The following IFT52 variants were observed in gnomAD, a reference collection of about 807,000 sequenced individuals.
IFT52 encodes intraflagellar transport 52, also known as intraflagellar transport protein 52 homolog.
A neutral mutation model predicts 54.4 loss-of-function variants in IFT52; 44 were observed. The ratio of observed to expected loss-of-function variants is 0.81; its 90% CI spans 0.63 to 1.04. IFT52 has a LOEUF of 1.04. Among genes scored for constraint, IFT52 ranks in the 50% least tolerant of loss-of-function variants. The probability of loss-of-function intolerance (pLI) is 0.00; values close to 1 mark genes in which losing one functional copy is unlikely to be tolerated. For synonymous variants in IFT52, 181 were observed against 185.3 expected (o/e 0.98, Z 0.19); for missense variants, 452 against 523.6 (o/e 0.86, Z 1.33).
chr20:43,595,316 C>CAAA (rs34012263), intron 2 of IFT52, among the ~76,000 whole-genome samples: 267 of 62,530 alleles, frequency 4.3e-3, no homozygotes, highest in East Asian at 8.2e-3. Context: ...GACTCCGTCT[C>CAAA]AAAAAAAAAA....
intron 7 of IFT52, 139 bp downstream of exon 7, chr20:43,614,115 T>C: frequency 1.3e-6 from 1 of 746,590 alleles, no homozygotes. Flanking sequence ...ATTTCAGCTA[T>C]ATACATTTTG....
chr20:43,635,187 GAAA>G (rs111707040), intron 10 of IFT52, among the ~76,000 whole-genome samples: 6 of 144,052 alleles, frequency 4.2e-5, no homozygotes, highest in African/African-American at 7.7e-5. Flanking sequence ...GAGAGAGAGA[GAAA>G]AAAAAAAAAA....
chr20:43,609,555 T>C (rs1490820794), intron 6 of IFT52, among the ~76,000 whole-genome samples: 1 of 152,068 alleles, frequency 6.6e-6, no homozygotes, highest in Admixed American at 6.6e-5. Flanking sequence ...GCGGATCACC[T>C]GAGATCAGGC....
chr20:43,633,981 TAGTG>T (rs1359325124), intron 10 of IFT52, among the ~76,000 whole-genome samples: 2 of 151,862 alleles, frequency 1.3e-5, no homozygotes, highest in Non-Finnish European at 2.9e-5. Flanking sequence ...CTGGGCAACA[TAGTG>T]AGCCCTTGTC....
chr20:43,601,047 C>G (rs1359002300), intron 3 of IFT52, among the ~76,000 whole-genome samples: 1 of 152,142 alleles, frequency 6.6e-6, no homozygotes, highest in Non-Finnish European at 1.5e-5. Flanking sequence ...ACCTCCGTGA[C>G]TATCTGAGAA....
At chr20:43,618,607 G>T (rs181352979) in intron 7 of IFT52, among the ~76,000 whole-genome samples, 4 of 151,454 alleles carry the variant, frequency 2.6e-5, no homozygotes, top group African/African-American at 7.3e-5. Flanking sequence ...TCAGCCTCCC[G>T]AGTAGCTGGG....
chr20:43,604,875 C>A, intron 5 of IFT52, 127 bp from the exon 6 acceptor site: 1 of 875,296 alleles, frequency 1.1e-6, no homozygotes, highest in South Asian at 1.5e-5. Context: ...ACACAGTTCA[C>A]TGCAGCCTTG....
At chr20:43,599,947 C>G (rs996960073) in intron 3 of IFT52, among the ~76,000 whole-genome samples, 1 of 152,114 alleles carries the variant, frequency 6.6e-6, no homozygotes, top group African/African-American at 2.4e-5. Flanking sequence ...CAAAGATAAT[C>G]TAACCCACCA....
At chr20:43,595,613 C>T (rs1052499002) in intron 2 of IFT52, among the ~76,000 whole-genome samples, 4 of 151,796 alleles carry the variant, frequency 2.6e-5, no homozygotes, top group Non-Finnish European at 4.4e-5. Context: ...GGGCAGGACG[C>T]GGTGGCTCAT....
Position 43,640,272 on chromosome 20 carries a change from T to C in IFT52, c.1121-2207T>C, listed in dbSNP as rs1328923535. Among the ~76,000 whole-genome samples, 4 of 151,622 alleles carry C rather than the reference T, an allele frequency of 2.6e-5. No homozygotes were observed. In the East Asian group the frequency reaches 7.8e-4, roughly 30 times the overall value. On this transcript the variant is annotated intron_variant, in intron 12 of 13. Coordinates refer to ENST00000373030, the MANE Select transcript of IFT52 (RefSeq NM_016004.5). ...GAGTTTGAGACCAGCCTGGCCAAGA[T>C]GGTAAAACCCTGTCTCTACTAAAAA...
In IFT52 at chr20:43,637,276, T is replaced by G. The variant is rs184181854; in HGVS notation, c.1120+23T>G. ...AGTGTAAGTTTGGCGAACTTTTTTT[T>G]TTTGAGACAGAGTTTCACTCTTGTT... is the stretch of plus-strand genomic sequence containing the variant. On this transcript the variant is annotated intron_variant, in intron 12 of 13. Transcript: ENST00000373030. 12 of 1,394,870 alleles carry G rather than the reference T, an allele frequency of 8.6e-6. No individual in the cohort carries two copies. In the African/African-American group the frequency reaches 1.6e-4, roughly 19 times the overall value. The allele number at this position is 1,394,870 out of a possible 1,614,324, so 86.4% of individuals were successfully genotyped here. A position where few individuals can be genotyped will look rare whatever the true frequency, so the allele number is the denominator to read the frequency against.
intron 3 of IFT52, among the ~76,000 whole-genome samples, chr20:43,598,793 A>T (rs1312659564): frequency 6.6e-6 from 1 of 152,198 alleles, no homozygotes; most frequent in Non-Finnish European, 1.5e-5. Context: ...CAGTCAATAA[A>T]ACAAAAAACC....
chr20:43,622,760 TA>T (rs1483137942), intron 9 of IFT52, among the ~76,000 whole-genome samples: 1 of 55,492 alleles, frequency 1.8e-5, no homozygotes, highest in Non-Finnish European at 3.4e-5. Flanking sequence ...AATATAAATA[TA>T]TACAAATTGT....
chr20:43,617,323 ATATT>A (rs1983933454), intron 7 of IFT52, among the ~76,000 whole-genome samples: 1 of 152,148 alleles, frequency 6.6e-6, no homozygotes. Flanking sequence ...TCATATTTTC[ATATT>A]TATTTATCTG....
intron 6 of IFT52, 180 bp downstream of exon 6, chr20:43,605,253 T>C: frequency 2.9e-6 from 4 of 1,370,752 alleles, no homozygotes; most frequent in Non-Finnish European, 2.8e-6. Context: ...GTAGTCTTAA[T>C]ATAGTATTTA....
At chr20:43,640,989 C>G (rs1425124374) in intron 12 of IFT52, among the ~76,000 whole-genome samples, 2 of 144,550 alleles carry the variant, frequency 1.4e-5, no homozygotes, top group Non-Finnish European at 3.0e-5. Context: ...TGAAATCATG[C>G]CACTGCACTC....
At chr20:43,617,955 C>T (rs1983984514) in intron 7 of IFT52, among the ~76,000 whole-genome samples, 1 of 151,916 alleles carries the variant, frequency 6.6e-6, no homozygotes, top group African/African-American at 2.4e-5. Flanking sequence ...CCCATGTTAG[C>T]TAGGCTGGTC....
Position 43,596,452 on chromosome 20 carries a change from C to G in IFT52, c.137C>G (p.Thr46Arg). 6.3e-7 allele frequency: 1 copy of G among 1,599,654 alleles called. No individual in the cohort carries two copies. Among genetic ancestry groups the G allele is most frequent in the South Asian group, 1.1e-5 (1 of 88,876 alleles). Reference protein sequence around the residue: ...WKIQSLKDEITSEKLNGVKLW... With the variant: ...WKIQSLKDEIRSEKLNGVKLW... ...ATTTCCAGCTTAAAAGATGAAATCACATCTGAGAAGTTAAATGGAGTGAAA... is the reference window on the plus strand; with the variant it reads ...ATTTCCAGCTTAAAAGATGAAATCAGATCTGAGAAGTTAAATGGAGTGAAA... The change falls in exon 3 of 14, where the codon ACA becomes AGA. Residue 46 changes from threonine to arginine, a missense_variant. By Grantham distance (71) the Thr-to-Arg change is moderately conservative. Coordinates refer to ENST00000373030, the MANE Select transcript of IFT52 (RefSeq NM_016004.5).
intron 3 of IFT52, among the ~76,000 whole-genome samples, chr20:43,597,096 G>A (rs2145585319): frequency 6.6e-6 from 1 of 151,528 alleles, no homozygotes; most frequent in Admixed American, 6.6e-5. Context: ...ATTCCGCCAG[G>A]CGCGGTGGCT....
Sources: gnomAD v4.1 joint callset for allele counts (sites outside exome capture counted in the v4.1 genomes callset) on GRCh38, gnomAD v4.1.1 for gene constraint, MANE v1.5 for transcripts, NCBI Gene and HGNC (gene_info 2026-07-23, HGNC 2026-07-21) for gene names.